NEDD4L: variants seen among roughly 807,000 people sequenced by gnomAD.
The protein encoded by NEDD4L is NEDD4 like E3 ubiquitin protein ligase, also known as E3 ubiquitin-protein ligase NEDD4-like.
In NEDD4L, 54 loss-of-function variants were observed where a neutral mutation model predicts 148.9. That is an observed-to-expected ratio of 0.36 (90% confidence interval 0.29 to 0.45). NEDD4L has a LOEUF of 0.45. NEDD4L is among the 20% of genes least tolerant of loss of function. NEDD4L has a pLI of 1.00. For synonymous variants in NEDD4L, 433 were observed against 440.7 expected (o/e 0.98, Z 0.22); for missense variants, 856 against 1,233.8 (o/e 0.69, Z 4.59).
At chr18:58,094,257 T>G (rs911199687) in intron 1 of NEDD4L, among the ~76,000 whole-genome samples, 2 of 151,916 alleles carry the variant, frequency 1.3e-5, no homozygotes, top group African/African-American at 4.8e-5. Flanking sequence ...CGATCATAGC[T>G]TATTGCAGGC....
At chr18:58,312,257 A>C (rs187707283) in intron 5 of NEDD4L, among the ~76,000 whole-genome samples, 1 of 152,336 alleles carries the variant, frequency 6.6e-6, no homozygotes. Flanking sequence ...ATTGGATGGC[A>C]GGTAATGGCA....
chr18:58,178,445 T>C (rs375369503), intron 2 of NEDD4L, among the ~76,000 whole-genome samples: 2,823 of 68,688 alleles, frequency 0.041, 82 homozygotes, highest in African/African-American at 0.17. Context: ...CTCTCACTGC[T>C]TTGTGTTAAT....
At position 58,103,295 on chromosome 18, in the gene NEDD4L, A is replaced by T. The variant is rs527711746; in HGVS notation, c.48+58587A>T. Among the ~76,000 whole-genome samples, 1,194 of 147,808 alleles carry T rather than the reference A, an allele frequency of 8.1e-3. 16 individuals are homozygous for T. Among genetic ancestry groups the T allele is most frequent in the African/African-American group, 0.028 (1,128 of 40,502 alleles). ...ATAATTATATATAATATATATAATT[A>T]TATATTATATAGATGGTTCTGACTT... On this transcript the variant is annotated intron_variant, in intron 1 of 30. Transcript: ENST00000400345.
chr18:58,185,528 G>A (rs1290427763), intron 2 of NEDD4L, among the ~76,000 whole-genome samples: 1 of 152,160 alleles, frequency 6.6e-6, no homozygotes, highest in African/African-American at 2.4e-5. Flanking sequence ...ACTATCATTG[G>A]AGGGCAATTA....
chr18:58,358,018 G>A (rs4940386), intron 19 of NEDD4L, among the ~76,000 whole-genome samples: 56,004 of 152,034 alleles, frequency 0.37, 11,697 homozygotes, highest in African/African-American at 0.57. Flanking sequence ...ACTGCGATCA[G>A]CAGAAGATTG....
chr18:58,104,566 C>A (rs139416028), intron 1 of NEDD4L, among the ~76,000 whole-genome samples: 4 of 152,084 alleles, frequency 2.6e-5, no homozygotes, highest in Non-Finnish European at 5.9e-5. Context: ...ATAAGTTATG[C>A]GACAAAAAGA....
intron 2 of NEDD4L, among the ~76,000 whole-genome samples, chr18:58,243,088 G>A (rs1288194944): frequency 1.3e-5 from 2 of 152,242 alleles, no homozygotes; most frequent in African/African-American, 4.8e-5. Context: ...AAGGGATACA[G>A]ACTGAGGTAA....
rs183891898 is a variant in NEDD4L, at chr18:58,106,723, A to G, written c.49-59065A>G. ...TGTTACAGAAATACAGTACAATAAC[A>G]TTTTTGGTCACATTTAATCCTCAAA... On this transcript the variant is annotated intron_variant, in intron 1 of 30. Coordinates refer to ENST00000400345, the MANE Select transcript of NEDD4L (RefSeq NM_001144967.3). Among the ~76,000 whole-genome samples the G allele has an allele frequency of 2.2e-4, 33 of 152,316 alleles. 1 individual carries two copies. The highest frequency in any genetic ancestry group is 7.5e-4 in the African/African-American group (31 of 41,574).
chr18:58,287,230 G>A (rs2054059179), intron 5 of NEDD4L, among the ~76,000 whole-genome samples: 1 of 151,980 alleles, frequency 6.6e-6, no homozygotes, highest in African/African-American at 2.4e-5. Flanking sequence ...AACCCAGCAC[G>A]AAATTCCAGG....
chr18:58,219,898 G>A (rs901973881), intron 2 of NEDD4L, among the ~76,000 whole-genome samples: 1 of 152,058 alleles, frequency 6.6e-6, no homozygotes. Flanking sequence ...ATAAAAACTT[G>A]TTCAACTTGT....
rs572826893 is a variant in NEDD4L at position 58,343,276 on chromosome 18, GGGTGGGCACAGGCTGGTAGCTGTCTTT to G, written c.1575+177_1575+203del. On this transcript the variant is annotated intron_variant, in intron 16 of 30. Coordinates refer to ENST00000400345, the MANE Select transcript of NEDD4L (RefSeq NM_001144967.3). ...CCTGCATAAATGGGCGGGTGGGAGT[GGGTGGGCACAGGCTGGTAGCTGTCTTT>G]GGTATTGGTGCTGGGACTGCCTTTT... is the stretch of plus-strand genomic sequence containing the variant. Among the ~76,000 whole-genome samples the G allele has an allele frequency of 6.9e-4, 105 of 152,210 alleles. 2 individuals are homozygous for G. In the East Asian group the frequency reaches 0.017, roughly 25 times the overall value.
chr18:58,291,007 G>A (rs943975457), intron 5 of NEDD4L, among the ~76,000 whole-genome samples: 8 of 151,758 alleles, frequency 5.3e-5, no homozygotes, highest in African/African-American at 1.5e-4. Context: ...GAACCAGGCC[G>A]ACCGACCCAC....
At chr18:58,046,349 A>T (rs1186377600) in intron 1 of NEDD4L, 1 of 135,720 alleles carries the variant, frequency 7.4e-6, no homozygotes, top group Non-Finnish European at 1.5e-5. Flanking sequence ...GCAGGCCCTG[A>T]GTTGCAGAGA....
chr18:58,219,139 C>T (rs763249602), intron 2 of NEDD4L, among the ~76,000 whole-genome samples: 35 of 152,120 alleles, frequency 2.3e-4, no homozygotes, highest in Non-Finnish European at 2.6e-4. Flanking sequence ...TGGCAGAAGC[C>T]GATTTCTCTG....
intron 5 of NEDD4L, among the ~76,000 whole-genome samples, chr18:58,280,560 T>C (rs1022455786): frequency 6.6e-6 from 1 of 152,180 alleles, no homozygotes; most frequent in African/African-American, 2.4e-5. Flanking sequence ...GTAGGTTCTG[T>C]AGACTTGTCG....
chr18:58,054,521 A>C (rs922727252), intron 1 of NEDD4L, among the ~76,000 whole-genome samples: 3 of 152,160 alleles, frequency 2.0e-5, no homozygotes, highest in African/African-American at 4.8e-5. Flanking sequence ...TAATTTGAGC[A>C]CCGGGGTTCA....
intron 3 of NEDD4L, among the ~76,000 whole-genome samples, 166 bp downstream of exon 3, chr18:58,245,674 CTTTTTT>C (rs57282316): frequency 3.9e-4 from 35 of 89,262 alleles, no homozygotes; most frequent in African/African-American, 1.4e-3. Flanking sequence ...CACTTTTTCT[CTTTTTT>C]TTTTTTTTTT....
intron 1 of NEDD4L, among the ~76,000 whole-genome samples, chr18:58,155,658 C>T (rs1020988487): frequency 3.3e-5 from 5 of 152,118 alleles, no homozygotes; most frequent in African/African-American, 1.2e-4. Flanking sequence ...ATGTTTGTCT[C>T]CTAAATGTGC....
At chr18:58,190,428 A>T (rs945680803) in intron 2 of NEDD4L, among the ~76,000 whole-genome samples, 3 of 152,226 alleles carry the variant, frequency 2.0e-5, no homozygotes, top group African/African-American at 7.2e-5. Flanking sequence ...ATTTAATGTT[A>T]TGGAAACATT....
Sources: gnomAD v4.1 joint callset for allele counts (sites outside exome capture counted in the v4.1 genomes callset) on GRCh38, gnomAD v4.1.1 for gene constraint, MANE v1.5 for transcripts, NCBI Gene and HGNC (gene_info 2026-07-23, HGNC 2026-07-21) for gene names.